The following GRID1 variants were observed in gnomAD, a reference collection of about 807,000 sequenced individuals.
The protein encoded by GRID1 is glutamate ionotropic receptor delta type subunit 1.
GRID1 carries 28 observed loss-of-function variants against 98.0 expected under a neutral mutation model. The observed-to-expected ratio is 0.29, with a 90% CI of 0.21 to 0.39. The LOEUF (loss-of-function observed/expected upper bound fraction) is 0.39, where lower values mean the gene tolerates loss of function less well. Ranked by LOEUF, GRID1 falls within the 10% of genes least tolerant of loss-of-function variation. The probability of loss-of-function intolerance (pLI) is 1.00; values close to 1 mark genes in which losing one functional copy is unlikely to be tolerated. For synonymous variants in GRID1, 553 were observed against 538.5 expected, an observed-to-expected ratio of 1.03 and a Z score of -0.37; for missense variants, 1,111 against 1,340.5, an observed-to-expected ratio of 0.83 and a Z score of 2.67.
intron 4 of GRID1, among the ~76,000 whole-genome samples, chr10:85,994,783 G>T (rs1842721939): frequency 6.6e-6 from 1 of 152,186 alleles, no homozygotes; most frequent in Admixed American, 6.5e-5. Context: ...CTTTTACAGA[G>T]ACAGCCTACT....
At chr10:85,732,494 G>T (rs1437773222) in intron 8 of GRID1, among the ~76,000 whole-genome samples, 1 of 152,130 alleles carries the variant, frequency 6.6e-6, no homozygotes, top group Non-Finnish European at 1.5e-5. Context: ...TCTTTCTACT[G>T]GGATTATAAT....
intron 5 of GRID1, among the ~76,000 whole-genome samples, chr10:85,883,254 T>G (rs1473458472): frequency 6.6e-6 from 1 of 152,218 alleles, no homozygotes; most frequent in African/African-American, 2.4e-5. Context: ...CTTAATTTTC[T>G]GATGTTCTGT....
intron 8 of GRID1, among the ~76,000 whole-genome samples, chr10:85,774,067 T>A (rs575707971): frequency 6.6e-6 from 1 of 152,270 alleles, no homozygotes; most frequent in Admixed American, 6.5e-5. Context: ...CTATCTGACT[T>A]CAAACTATAC....
At chr10:85,607,715 C>T (rs913155572) in intron 15 of GRID1, among the ~76,000 whole-genome samples, 8 of 152,010 alleles carry the variant, frequency 5.3e-5, no homozygotes, top group African/African-American at 1.9e-4. Flanking sequence ...GGTAAGGCAG[C>T]TTGCTGAAGC....
chr10:85,681,868 T>G (rs968089475), intron 12 of GRID1, among the ~76,000 whole-genome samples: 2 of 151,980 alleles, frequency 1.3e-5, no homozygotes, highest in Non-Finnish European at 2.9e-5. Flanking sequence ...GAGTGGATGC[T>G]CAACCAGAGT....
rs576387172 is a variant in GRID1 at position 85,774,166 on chromosome 10, C to A, written c.1234-44552G>T. ...AACAGAACAGAGCCCTCAGAAATAA[C>A]GCCGCATATCTACAACTATCTGATC... On this transcript the variant is annotated intron_variant, in intron 8 of 15. Coordinates refer to ENST00000327946, the MANE Select transcript of GRID1 (RefSeq NM_017551.3). Among the ~76,000 whole-genome samples the A allele has an allele frequency of 3.7e-4, 56 of 152,172 alleles. No homozygotes were observed. In the Middle Eastern group the frequency reaches 0.01, roughly 28 times the overall value.
chr10:85,602,301 A>C lies in GRID1; in HGVS notation c.3002T>G (p.Leu1001Arg). ...PVPGGVLPEA[L>R]DTSHGTSI ...GATGGAGGTCCCGTGGGAGGTGTCC[A>C]GAGCCTCTGGAAGGACGCCTCCAGG... Residue 1001 changes from leucine (L) to arginine (R), a missense_variant, in exon 16 of 16, where the codon CTG becomes CGG. Leu to Arg is a moderately radical substitution (Grantham distance 102). Transcript: ENST00000327946. The C allele has an allele frequency of 1.3e-6, 2 of 1,538,154 alleles. No individual in the cohort carries two copies. The highest frequency in any genetic ancestry group is 1.8e-6 in the Non-Finnish European group (2 of 1,141,874).
chr10:86,305,599 C>G (rs1847748740), intron 2 of GRID1, among the ~76,000 whole-genome samples: 1 of 152,134 alleles, frequency 6.6e-6, no homozygotes, highest in South Asian at 2.1e-4. Context: ...GAGTGAGGGC[C>G]TCTGCATGCA....
At chr10:86,112,099 A>G (rs533335648) in intron 4 of GRID1, among the ~76,000 whole-genome samples, 9 of 152,188 alleles carry the variant, frequency 5.9e-5, no homozygotes, top group Non-Finnish European at 1.0e-4. Flanking sequence ...AGATGACTCA[A>G]CACAGGAGTT....
intron 12 of GRID1, among the ~76,000 whole-genome samples, chr10:85,714,829 T>C (rs924555767): frequency 1.4e-4 from 21 of 152,056 alleles, no homozygotes; most frequent in Non-Finnish European, 4.4e-5. Flanking sequence ...CAAAGTGATC[T>C]ATAGATTTGG....
intron 4 of GRID1, among the ~76,000 whole-genome samples, chr10:85,973,485 T>A (rs976959955): frequency 3.9e-5 from 6 of 152,118 alleles, no homozygotes; most frequent in African/African-American, 1.4e-4. Context: ...TATAAGGAAC[T>A]CTTTCAGATT....
intron 4 of GRID1, among the ~76,000 whole-genome samples, chr10:85,946,081 T>C (rs1253758983): frequency 6.6e-6 from 1 of 152,196 alleles, no homozygotes; most frequent in African/African-American, 2.4e-5. Context: ...GGGTCAGCAA[T>C]CCTCAAAGTT....
intron 2 of GRID1, among the ~76,000 whole-genome samples, chr10:86,223,295 A>G (rs1846286802): frequency 6.6e-6 from 1 of 152,174 alleles, no homozygotes; most frequent in Admixed American, 6.5e-5. Context: ...CCCTGCCCAG[A>G]CACCTTCCCT....
At chr10:86,127,935 T>A (rs1844777625) in intron 4 of GRID1, among the ~76,000 whole-genome samples, 1 of 152,128 alleles carries the variant, frequency 6.6e-6, no homozygotes. Flanking sequence ...CACCAGGCCC[T>A]CTCAAGAGCA....
intron 2 of GRID1, among the ~76,000 whole-genome samples, chr10:86,350,296 C>T (rs1051120767): frequency 2.0e-5 from 3 of 152,198 alleles, no homozygotes; most frequent in African/African-American, 7.2e-5. Flanking sequence ...TGAAGGGTTT[C>T]AGCAGGAGAG....
chr10:86,248,241 C>A (rs1167969453), intron 2 of GRID1, among the ~76,000 whole-genome samples: 2 of 152,192 alleles, frequency 1.3e-5, no homozygotes, highest in Admixed American at 6.5e-5. Context: ...CACCTTCACC[C>A]ACCTTCACCC....
chr10:86,321,259 T>C (rs1847967295), intron 2 of GRID1, among the ~76,000 whole-genome samples: 1 of 152,088 alleles, frequency 6.6e-6, no homozygotes, highest in Non-Finnish European at 1.5e-5. Flanking sequence ...CATGGCATGG[T>C]AATTATATGA....
At chr10:86,328,125 A>G (rs1448660217) in intron 2 of GRID1, among the ~76,000 whole-genome samples, 1 of 152,230 alleles carries the variant, frequency 6.6e-6, no homozygotes, top group Non-Finnish European at 1.5e-5. Flanking sequence ...TTGGTGCATG[A>G]AAAGAAGCAA....
intron 4 of GRID1, among the ~76,000 whole-genome samples, chr10:86,023,971 G>A (rs1843083068): frequency 6.6e-6 from 1 of 152,150 alleles, no homozygotes; most frequent in Non-Finnish European, 1.5e-5. Flanking sequence ...GGCCATGAGT[G>A]AGTACTCATT....
Sources: gnomAD v4.1 joint callset for allele counts (sites outside exome capture counted in the v4.1 genomes callset) on GRCh38, gnomAD v4.1.1 for gene constraint, MANE v1.5 for transcripts, NCBI Gene and HGNC (gene_info 2026-07-23, HGNC 2026-07-21) for gene names.